The following KDM2A variants were observed in gnomAD, a reference collection of about 807,000 sequenced individuals.
KDM2A encodes lysine-specific demethylase 2A.
Under a neutral mutation model 137.3 loss-of-function variants are expected in KDM2A, and 3 were observed. That is an observed-to-expected ratio of 0.02 (90% CI 0.01 to 0.06). KDM2A has a LOEUF of 0.06. Ranked by LOEUF, KDM2A falls within the 10% of genes least tolerant of loss-of-function variation. The pLI is 1.00. For synonymous variants in KDM2A, 512 were observed against 541.5 expected (o/e 0.95, Z 0.76); for missense variants, 738 against 1,510.6 (o/e 0.49, Z 8.48).
chr11:67,133,270 T>G (rs529225449), intron 2 of KDM2A, among the ~76,000 whole-genome samples: 1 of 151,906 alleles, frequency 6.6e-6, no homozygotes, highest in East Asian at 1.9e-4. Flanking sequence ...GCGCTAATTT[T>G]GTGTTTTTTT....
At chr11:67,164,984 TC>T (rs1336281488) in intron 2 of KDM2A, among the ~76,000 whole-genome samples, 1 of 152,170 alleles carries the variant, frequency 6.6e-6, no homozygotes, top group Non-Finnish European at 1.5e-5. Flanking sequence ...GACATAGTTT[TC>T]TCTGCTTTAA....
At chr11:67,226,054 A>G (rs991565477) in intron 10 of KDM2A, among the ~76,000 whole-genome samples, 13 of 150,590 alleles carry the variant, frequency 8.6e-5, no homozygotes, top group Non-Finnish European at 4.4e-5. Context: ...AACAAGAACA[A>G]AACTGTGTCA....
At chr11:67,239,931 A>T in intron 12 of KDM2A, 1 of 537,162 alleles carries the variant, frequency 1.9e-6, no homozygotes, top group Non-Finnish European at 2.6e-6. Flanking sequence ...GGCCTCTTCC[A>T]ATCGCGAGGA....
Position 67,245,551 on chromosome 11 carries a change from G to A in KDM2A, c.1833+93G>A. ...AGTGTAGAGTTAAAGAGACTTCAGA[G>A]TTGGAAAGAAAAGGTTTATACTCTC... is the stretch of plus-strand genomic sequence containing the variant. On this transcript the variant is annotated intron_variant, in intron 14 of 20. Transcript: ENST00000529006. This position sits in a 1 kb window ranked among gnomAD's most constrained non-coding sequence, Gnocchi z 4.1. 7.1e-7 allele frequency: 1 copy of A among 1,400,842 alleles called. No individual in the cohort carries two copies. The highest frequency in any genetic ancestry group is 2.4e-5 in the East Asian group (1 of 42,314). 86.8% of individuals were successfully genotyped at this position (1,400,842 alleles called of 1,614,324 possible).
At chr11:67,231,175 T>G (rs541899493) in intron 11 of KDM2A, among the ~76,000 whole-genome samples, 2 of 152,278 alleles carry the variant, frequency 1.3e-5, no homozygotes, top group East Asian at 3.9e-4. Flanking sequence ...CTAAAACTAT[T>G]TTTTAAACAT....
intron 10 of KDM2A, among the ~76,000 whole-genome samples, chr11:67,223,261 G>T (rs554690683): frequency 6.6e-6 from 1 of 151,642 alleles, no homozygotes; most frequent in African/African-American, 2.4e-5. Flanking sequence ...TGCGGCATAA[G>T]TAAAAAGCAA....
chr11:67,172,716 C>G (rs576021755), intron 2 of KDM2A, among the ~76,000 whole-genome samples: 2 of 151,262 alleles, frequency 1.3e-5, no homozygotes, highest in African/African-American at 4.9e-5. Context: ...TTACTTGTTC[C>G]TTTCCAAACT....
chr11:67,180,327 T>C, intron 3 of KDM2A, 110 bp downstream of exon 3: 1 of 1,145,364 alleles, frequency 8.7e-7, no homozygotes, highest in East Asian at 2.6e-5. Flanking sequence ...GTTGATGTTA[T>C]CTATCTATTT....
chr11:67,190,410 CAAAA>C (rs1565396010), intron 5 of KDM2A, among the ~76,000 whole-genome samples: 2 of 151,660 alleles, frequency 1.3e-5, no homozygotes, highest in Non-Finnish European at 2.9e-5. Flanking sequence ...ACCTCCGACT[CAAAA>C]AAAGAAAGTG....
Position 67,219,380 on chromosome 11 carries a change from T to C in KDM2A, c.934T>C (p.Tyr312His). Reference protein sequence around the residue: ...SFNIPMQLKIYNIEDRTRVPN... With the variant: ...SFNIPMQLKIHNIEDRTRVPN... ...CAACATCCCTATGCAGTTAAAAATA[T>C]ACAACATTGAAGATCGGACACGGGT... The change falls in exon 10 of 21, where the codon TAC (tyrosine) becomes CAC (histidine). Residue 312 changes from tyrosine to histidine, a missense_variant. Physicochemically the swap from Tyr to His is moderately conservative, Grantham distance 83. Around this residue, in one of 9 missense-constraint regions of KDM2A, gnomAD observed 43 missense variants for 254.6 expected, o/e 0.17. Coordinates refer to ENST00000529006, the MANE Select transcript of KDM2A (RefSeq NM_012308.3). 6.2e-7 allele frequency: 1 copy of C among 1,605,250 alleles called. No homozygotes were observed. Among genetic ancestry groups the C allele is most frequent in the Non-Finnish European group, 8.5e-7 (1 of 1,175,382 alleles).
At chr11:67,174,600 C>G in intron 2 of KDM2A, among the ~76,000 whole-genome samples, 1 of 152,138 alleles carries the variant, frequency 6.6e-6, no homozygotes, top group Non-Finnish European at 1.5e-5. Flanking sequence ...TGCAGTTTGA[C>G]TTAACTACCA....
chr11:67,180,372 T>G (rs1857064120), intron 3 of KDM2A, 155 bp downstream of exon 3: 1 of 629,886 alleles, frequency 1.6e-6, no homozygotes, highest in Admixed American at 3.6e-5. Context: ...CATGCACTTA[T>G]CCCCCAGTCC....
intron 8 of KDM2A, among the ~76,000 whole-genome samples, chr11:67,217,240 CAAAAAAAAAA>C (rs544615414): frequency 4.0e-5 from 2 of 50,524 alleles, no homozygotes; most frequent in East Asian, 5.5e-4. Context: ...GAAACTCTGT[CAAAAAAAAAA>C]AAAAAAAAAA....
At chr11:67,228,185 G>A (rs1239395277) in intron 11 of KDM2A, 22 bp downstream of exon 11, 1 of 1,611,820 alleles carries the variant, frequency 6.2e-7, no homozygotes, top group Non-Finnish European at 8.5e-7. Context: ...GCCTATAGGA[G>A]CTTTGAAGAC....
In KDM2A at chr11:67,245,564, G is replaced by A. The variant is rs1859179507; in HGVS notation, c.1833+106G>A. On this transcript the variant is annotated intron_variant, in intron 14 of 20. Transcript: ENST00000529006. The surrounding 1 kb of genome is among the most constrained non-coding windows in gnomAD (Gnocchi z 4.1). ...AGAGACTTCAGAGTTGGAAAGAAAA[G>A]GTTTATACTCTCTTTTTGGCTTTAT... is the stretch of plus-strand genomic sequence containing the variant. 8.0e-7 allele frequency: 1 copy of A among 1,247,220 alleles called. No homozygotes were observed. The allele number at this position is 1,247,220 out of a possible 1,614,324, so 77.3% of individuals were successfully genotyped here.
intron 5 of KDM2A, chr11:67,196,087 C>T (rs373008302): frequency 4.8e-5 from 19 of 394,736 alleles, no homozygotes; most frequent in South Asian, 3.1e-4. Context: ...CTGAGTCACA[C>T]GAACATAATT....
chr11:67,136,991 A>G (rs1425623571), intron 2 of KDM2A, among the ~76,000 whole-genome samples: 1 of 152,216 alleles, frequency 6.6e-6, no homozygotes, highest in African/African-American at 2.4e-5. Context: ...TCAGTAGTAG[A>G]TAGAAACATT....
intron 18 of KDM2A, among the ~76,000 whole-genome samples, chr11:67,253,158 A>T (rs1170852773): frequency 1.3e-5 from 2 of 152,224 alleles, no homozygotes; most frequent in African/African-American, 2.4e-5. Flanking sequence ...GTCAGATGTT[A>T]CTTTGGTCAG....
chr11:67,242,251 C>T (rs1028870157), intron 12 of KDM2A, among the ~76,000 whole-genome samples: 1 of 149,406 alleles, frequency 6.7e-6, no homozygotes, highest in African/African-American at 2.5e-5. Context: ...GGAATAAAGG[C>T]AAATAGCAGA....
Sources: gnomAD v4.1 joint callset for allele counts (sites outside exome capture counted in the v4.1 genomes callset) on GRCh38, gnomAD v4.1.1 for gene constraint, gnomAD v4.1.1 regional missense constraint, Gnocchi (gnomAD v3.1) non-coding constraint, MANE v1.5 for transcripts, NCBI Gene and HGNC (gene_info 2026-07-23, HGNC 2026-07-21) for gene names.